The following TTR variants were observed in gnomAD, a reference collection of about 807,000 sequenced individuals.
TTR encodes transthyretin.
A neutral mutation model predicts 13.7 loss-of-function variants in TTR; 8 were observed. The ratio of observed to expected loss-of-function variants is 0.58; its 90% CI spans 0.34 to 1.05. The LOEUF is 1.05. Among genes scored for constraint, TTR ranks in the 50% least tolerant of loss-of-function variants. The pLI is 0.02. For missense variants in TTR, 135 were observed against 185.5 expected (o/e 0.73, Z 1.58); for synonymous variants, 75 against 71.7 (o/e 1.05, Z -0.23).
Position 31,592,876 on chromosome 18 carries a change from C to T in TTR, c.70-20C>T, listed in dbSNP as rs773578107. On this transcript the variant is annotated intron_variant, in intron 1 of 3. Transcript: ENST00000237014. ...TCTGATCAATTTTGTTAACTTCTCA[C>T]GTGTCTTCTCTACACCCAGGGCACC... 1.4e-5 allele frequency: 23 copies of T among 1,613,250 alleles called. No homozygotes were observed. Among genetic ancestry groups the T allele is most frequent in the African/African-American group, 1.1e-4 (8 of 74,926 alleles).
Position 31,595,184 on chromosome 18 carries a change from T to A in TTR, c.265T>A (p.Tyr89Asn). The A allele has an allele frequency of 6.2e-7, 1 of 1,614,130 alleles. No individual in the cohort carries two copies. The highest frequency in any genetic ancestry group is 8.5e-7 in the Non-Finnish European group (1 of 1,180,022). ...TTEEEFVEGI[Y>N]KVEIDTKSYW... ...TGAGGAGGAATTTGTAGAAGGGATA[T>A]ACAAAGTGGAAATAGACACCAAATC... is the stretch of plus-strand genomic sequence containing the variant. The change falls in exon 3 of 4, where the codon TAC becomes AAC. Residue 89 changes from tyrosine (Y) to asparagine (N), a missense_variant. By Grantham distance (143) the Tyr-to-Asn change is moderately radical. Transcript: ENST00000237014.
Position 31,591,901 on chromosome 18 carries a change from G to A in TTR, c.-2G>A. On this transcript the variant is annotated 5_prime_UTR_variant, in exon 1 of 4. Coordinates refer to ENST00000237014, the MANE Select transcript of TTR (RefSeq NM_000371.4). ...CACAGAAGTCCACTCATTCTTGGCA[G>A]GATGGCTTCTCATCGTCTGCTCCTC... 1 of 1,614,144 alleles carries A rather than the reference G, an allele frequency of 6.2e-7. No homozygotes were observed. Among genetic ancestry groups the A allele is most frequent in the South Asian group, 1.1e-5 (1 of 91,080 alleles).
chr18:31,595,155 C>T lies in TTR; in HGVS notation c.236C>T (p.Thr79Ile). The change falls in exon 3 of 4, where the codon ACA becomes ATA. Residue 79 changes from threonine (T) to isoleucine (I), a missense_variant. Thr to Ile is a moderately conservative substitution (Grantham distance 89). Transcript: ENST00000237014. ...GAGTCTGGAGAGCTGCATGGGCTCA[C>T]AACTGAGGAGGAATTTGTAGAAGGG... Reference protein sequence around the residue: ...TSESGELHGLTTEEEFVEGIY... With the variant: ...TSESGELHGLITEEEFVEGIY... 2 of 1,614,136 alleles carry T rather than the reference C, an allele frequency of 1.2e-6. No individual in the cohort carries two copies. Among genetic ancestry groups the T allele is most frequent in the Non-Finnish European group, 1.7e-6 (2 of 1,180,030 alleles).
At chr18:31,593,499 A>C (rs2073497563) in intron 2 of TTR, 1 of 171,112 alleles carries the variant, frequency 5.8e-6, no homozygotes, top group Non-Finnish European at 1.3e-5. Context: ...CCATTAACAA[A>C]AGGAAAGGAA....
chr18:31,593,196 G>C (rs991310358), intron 2 of TTR, 170 bp downstream of exon 2: 2 of 900,786 alleles, frequency 2.2e-6, no homozygotes. Flanking sequence ...GTTTTGCTTA[G>C]CTAGGAAGTG....
At position 31,595,112 on chromosome 18, in the gene TTR, C is replaced by A. The variant is rs1287386122; in HGVS notation, c.201-8C>A. Reference sequence around the variant, plus strand: ...GCGTAACTTAATCCAGACTTTCACACCTTATAGGAAAACCAGTGAGTCTGG... The same window carrying A: ...GCGTAACTTAATCCAGACTTTCACAACTTATAGGAAAACCAGTGAGTCTGG... On this transcript the variant is annotated splice_polypyrimidine_tract_variant and splice_region_variant and intron_variant, in intron 2 of 3. Coordinates refer to ENST00000237014, the MANE Select transcript of TTR (RefSeq NM_000371.4). 1.2e-6 allele frequency: 2 copies of A among 1,614,010 alleles called. No homozygotes were observed. The highest frequency in any genetic ancestry group is 2.2e-5 in the East Asian group (1 of 44,868).
intron 1 of TTR, among the ~76,000 whole-genome samples, chr18:31,592,229 G>A (rs894450502): frequency 5.3e-5 from 8 of 152,144 alleles, no homozygotes; most frequent in Non-Finnish European, 1.2e-4. Context: ...TGTTTCCTCA[G>A]ATAGATGATA....
At position 31,595,272 on chromosome 18, in the gene TTR, T is replaced by G; in HGVS notation, c.336+17T>G. 1 of 1,614,142 alleles carries G rather than the reference T, an allele frequency of 6.2e-7. No individual in the cohort carries two copies. The highest frequency in any genetic ancestry group is 8.5e-7 in the Non-Finnish European group (1 of 1,179,994). On this transcript the variant is annotated intron_variant, in intron 3 of 3. Transcript: ENST00000237014. ...CATGCAGAGGTGAGTATACAGACCT[T>G]CGAGGGTTGTTTTGGTTTTGGTTTT...
chr18:31,593,434 C>T (rs1028009234), intron 2 of TTR: 3 of 255,880 alleles, frequency 1.2e-5, no homozygotes, highest in Non-Finnish European at 2.3e-5. Flanking sequence ...TGGGTAACAC[C>T]AAAGCTAAGT....
intron 2 of TTR, 30 bp downstream of exon 2, chr18:31,593,056 C>G (rs779819295): frequency 6.2e-7 from 1 of 1,612,868 alleles, no homozygotes; most frequent in Non-Finnish European, 8.5e-7. Context: ...TCCCACAGGA[C>G]TTGGTTTTAT....
chr18:31,592,014 C>T (rs369180846), intron 1 of TTR, 43 bp downstream of exon 1: 21 of 1,603,196 alleles, frequency 1.3e-5, no homozygotes, highest in African/African-American at 4.0e-5. Context: ...TTAAGATTCA[C>T]GCTAAATGAA....
chr18:31,596,966 C>T (rs1179641681), intron 3 of TTR, among the ~76,000 whole-genome samples: 1 of 152,136 alleles, frequency 6.6e-6, no homozygotes, highest in African/African-American at 2.4e-5. Context: ...GGCCAGTGAC[C>T]CAGGTGGTCA....
At chr18:31,596,611 T>G (rs1453415459) in intron 3 of TTR, among the ~76,000 whole-genome samples, 1 of 152,080 alleles carries the variant, frequency 6.6e-6, no homozygotes, top group Non-Finnish European at 1.5e-5. Context: ...TGTTGTTCTC[T>G]TTCATTAGAT....
chr18:31,593,581 A>G (rs2073498143), intron 2 of TTR: 1 of 157,950 alleles, frequency 6.3e-6, no homozygotes, highest in Non-Finnish European at 1.4e-5. Flanking sequence ...GCTTTTGCCT[A>G]ATGAACACTT....
chr18:31,591,910 C>CTCA lies in TTR; in HGVS notation c.11_13dup (p.His4dup), dbSNP rs747545126. The CTCA allele has an allele frequency of 1.5e-5, 24 of 1,614,186 alleles. No homozygotes were observed. The highest frequency in any genetic ancestry group is 2.0e-5 in the Non-Finnish European group (24 of 1,180,042). ...CCACTCATTCTTGGCAGGATGGCTT[C>CTCA]TCATCGTCTGCTCCTCCTCTGCCTT... On this transcript the variant is annotated inframe_insertion, in exon 1 of 4. Transcript: ENST00000237014.
At chr18:31,595,433 C>A in intron 3 of TTR, 178 bp downstream of exon 3, 1 of 849,256 alleles carries the variant, frequency 1.2e-6, no homozygotes, top group Non-Finnish European at 1.9e-6. Flanking sequence ...AAGCAAATTT[C>A]TTTTTGACTT....
intron 2 of TTR, among the ~76,000 whole-genome samples, chr18:31,593,840 G>C (rs952077241): frequency 6.6e-6 from 1 of 152,160 alleles, no homozygotes. Flanking sequence ...CCAGAAGACA[G>C]AGCAATCAGG....
chr18:31,593,630 C>T (rs1364458977), intron 2 of TTR: 2 of 152,218 alleles, frequency 1.3e-5, no homozygotes, highest in East Asian at 3.9e-4. Context: ...GGCTGTCAAG[C>T]TCAGTTAAAA....
At chr18:31,596,399 C>A (rs1033305088) in intron 3 of TTR, among the ~76,000 whole-genome samples, 1 of 152,096 alleles carries the variant, frequency 6.6e-6, no homozygotes, top group Non-Finnish European at 1.5e-5. Flanking sequence ...TCCCTGACTA[C>A]CCCTCAGCCA....
Sources: gnomAD v4.1 joint callset for allele counts (sites outside exome capture counted in the v4.1 genomes callset) on GRCh38, gnomAD v4.1.1 for gene constraint, MANE v1.5 for transcripts, NCBI Gene and HGNC (gene_info 2026-07-23, HGNC 2026-07-21) for gene names.